C10orf67: variants seen among roughly 807,000 people sequenced by gnomAD.
C10orf67 encodes uncharacterized protein C10orf67, mitochondrial.
In C10orf67, 60 loss-of-function variants were observed where a neutral mutation model predicts 35.6. The ratio of observed to expected loss-of-function variants is 1.68; its 90% CI spans 1.37 to 2.09. C10orf67 has a LOEUF of 2.09. C10orf67 is among the 30% of genes most tolerant of loss of function. The pLI is 0.00. For synonymous variants in C10orf67, 167 were observed against 115.8 expected, an observed-to-expected ratio of 1.44 and a Z score of -2.84; for missense variants, 474 against 330.2, an observed-to-expected ratio of 1.44 and a Z score of -3.38.
intron 4 of C10orf67, chr10:23,317,731 T>C (rs897188916): frequency 2.0e-5 from 3 of 152,098 alleles, no homozygotes; most frequent in Non-Finnish European, 4.4e-5. Context: ...AATCAATATA[T>C]ATAAAACTGC....
chr10:23,246,283 T>C (rs1270759092), intron 12 of C10orf67, among the ~76,000 whole-genome samples: 1 of 152,092 alleles, frequency 6.6e-6, no homozygotes, highest in African/African-American at 2.4e-5. Context: ...AAATTATCTG[T>C]ACACCAAACC....
chr10:23,323,342 T>C (rs1290730484), intron 2 of C10orf67, among the ~76,000 whole-genome samples: 1 of 152,116 alleles, frequency 6.6e-6, no homozygotes. Context: ...TAAAATGTAT[T>C]CACTAGGGCT....
intron 2 of C10orf67, among the ~76,000 whole-genome samples, chr10:23,326,418 C>T (rs768111568): frequency 3.9e-5 from 6 of 152,020 alleles, no homozygotes; most frequent in African/African-American, 7.2e-5. Context: ...CTTGTCAACC[C>T]GGAATTCTAT....
At chr10:23,283,676 A>C (rs988759873) in intron 7 of C10orf67, among the ~76,000 whole-genome samples, 3 of 152,072 alleles carry the variant, frequency 2.0e-5, no homozygotes, top group African/African-American at 7.2e-5. Flanking sequence ...TTGCTATACA[A>C]GGTGCTTTTG....
At position 23,303,369 on chromosome 10, in the gene C10orf67, C is replaced by A. The variant is rs1844158726; in HGVS notation, c.637G>T (p.Glu213Ter). ...TCTTTTAATTCTTTAATAACTTCTT[C>A]TTTCTCTTTCAGTTTTCTTAACAAA... ...NILLRKLKEK[E>*]EVIKELKEEL... is the part of the protein sequence containing the mutation. Residue 213 changes from glutamate (E) to a stop codon, truncating the protein, a stop_gained, in exon 5 of 16, where the codon GAA (glutamate) becomes TAA (stop). Transcript: ENST00000636213. LOFTEE classifies it high-confidence loss of function. The A allele has an allele frequency of 1.5e-6, 1 of 645,802 alleles. No individual in the cohort carries two copies. The allele number at this position is 645,802 out of a possible 1,614,324, so 40.0% of individuals were successfully genotyped here.
At chr10:23,266,656 G>C (rs1217234090) in intron 9 of C10orf67, among the ~76,000 whole-genome samples, 1 of 152,026 alleles carries the variant, frequency 6.6e-6, no homozygotes, top group Non-Finnish European at 1.5e-5. Context: ...CATGTCCTAA[G>C]AACACACCAA....
intron 4 of C10orf67, chr10:23,318,540 A>C: frequency 4.8e-6 from 1 of 209,836 alleles, no homozygotes; most frequent in Non-Finnish European, 9.5e-6. Flanking sequence ...TTTATCAGCA[A>C]GTCACTAAGG....
chr10:23,289,275 T>C (rs746296665), intron 7 of C10orf67, among the ~76,000 whole-genome samples: 1 of 152,154 alleles, frequency 6.6e-6, no homozygotes, highest in East Asian at 1.9e-4. Flanking sequence ...ACAATCCTCC[T>C]ACTTCAGCAT....
chr10:23,202,694 G>A (rs1248196711), downstream of C10orf67: 1 of 152,088 alleles, frequency 6.6e-6, no homozygotes. Context: ...ATACATCCAG[G>A]GTTCTGTGGA....
intron 8 of C10orf67, among the ~76,000 whole-genome samples, chr10:23,280,254 T>G (rs999318962): frequency 6.6e-6 from 1 of 152,184 alleles, no homozygotes; most frequent in South Asian, 2.1e-4. Flanking sequence ...AAAATAGTAA[T>G]AGACAAGCAT....
intron 5 of C10orf67, among the ~76,000 whole-genome samples, chr10:23,294,054 T>C (rs1843803999): frequency 1.3e-5 from 2 of 152,214 alleles, no homozygotes; most frequent in Admixed American, 6.5e-5. Flanking sequence ...ACAGGCTCCA[T>C]TGAATTGGAC....
intron 1 of C10orf67, among the ~76,000 whole-genome samples, chr10:23,339,166 A>G (rs1845792826): frequency 6.6e-6 from 1 of 152,136 alleles, no homozygotes; most frequent in Non-Finnish European, 1.5e-5. Flanking sequence ...CAGAAATTCT[A>G]TTGAATTAGA....
At chr10:23,302,767 T>A (rs1183712812) in intron 5 of C10orf67, among the ~76,000 whole-genome samples, 1 of 152,178 alleles carries the variant, frequency 6.6e-6, no homozygotes, top group Non-Finnish European at 1.5e-5. Context: ...AGTCATTCCA[T>A]TTTTGCTCCC....
chr10:23,232,293 C>A (rs1461658670), intron 13 of C10orf67, among the ~76,000 whole-genome samples: 1 of 151,918 alleles, frequency 6.6e-6, no homozygotes, highest in Non-Finnish European at 1.5e-5. Flanking sequence ...AGACTTGACC[C>A]CAAATTAAGA....
chr10:23,236,839 T>C (rs1842064549), intron 13 of C10orf67, among the ~76,000 whole-genome samples: 1 of 152,180 alleles, frequency 6.6e-6, no homozygotes, highest in South Asian at 2.1e-4. Flanking sequence ...ATCGTGCCAT[T>C]GTACTCCAGC....
intron 10 of C10orf67, among the ~76,000 whole-genome samples, chr10:23,257,965 A>G (rs1842647866): frequency 6.6e-6 from 1 of 152,188 alleles, no homozygotes; most frequent in Non-Finnish European, 1.5e-5. Flanking sequence ...GTGTATGTAT[A>G]GTCTCATAAG....
intron 5 of C10orf67, among the ~76,000 whole-genome samples, chr10:23,299,793 C>T (rs1037643492): frequency 2.6e-5 from 4 of 151,936 alleles, no homozygotes; most frequent in East Asian, 1.9e-4. Context: ...CTGGCTAACA[C>T]GGTGAAACCC....
At chr10:23,249,157 A>C (rs978877185) in intron 12 of C10orf67, among the ~76,000 whole-genome samples, 1 of 150,306 alleles carries the variant, frequency 6.7e-6, no homozygotes, top group Non-Finnish European at 1.5e-5. Context: ...AAAAAAAAAA[A>C]AAAGAAAACT....
chr10:23,290,139 G>T (rs1259632920), intron 6 of C10orf67, among the ~76,000 whole-genome samples, 181 bp from the exon 7 acceptor site: 1 of 152,188 alleles, frequency 6.6e-6, no homozygotes, highest in African/African-American at 2.4e-5. Context: ...CTGTTCAGAT[G>T]GCCGGTCAGA....
Sources: gnomAD v4.1 joint callset for allele counts (sites outside exome capture counted in the v4.1 genomes callset) on GRCh38, gnomAD v4.1.1 for gene constraint, MANE v1.5 for transcripts, NCBI Gene and HGNC (gene_info 2026-07-23, HGNC 2026-07-21) for gene names.